The following TULP4 variants were observed in gnomAD, a reference collection of about 807,000 sequenced individuals.
TULP4 encodes the protein TUB like protein 4.
Under a neutral mutation model 129.0 loss-of-function variants are expected in TULP4, and 16 were observed. That is an observed-to-expected ratio of 0.12 (90% CI 0.08 to 0.19). TULP4 has a LOEUF of 0.19. TULP4 is among the 10% of genes least tolerant of loss of function. TULP4 has a pLI of 1.00. For missense variants in TULP4, 1,842 were observed against 2,059.1 expected (o/e 0.89, Z 2.04); for synonymous variants, 998 against 854.0 (o/e 1.17, Z -2.94).
chr6:158,308,959 C>CAGGGCGGCTGGCCGGGCAG (rs1166984303), upstream of TULP4, among the ~76,000 whole-genome samples: 1 of 138,374 alleles, frequency 7.2e-6, no homozygotes, highest in South Asian at 2.3e-4. Context: ...CCCTCCCGGA[C>CAGGGCGGCTGGCCGGGCAG]GGGGCGGCTG....
intron 1 of TULP4, among the ~76,000 whole-genome samples, chr6:158,249,002 G>C (rs1381874323): frequency 6.6e-6 from 1 of 151,118 alleles, no homozygotes; most frequent in African/African-American, 2.4e-5. Flanking sequence ...GCAAGTGCCT[G>C]TGGTCCCAGC....
intron 1 of TULP4, among the ~76,000 whole-genome samples, chr6:158,366,139 G>A (rs1780955930): frequency 3.3e-5 from 5 of 151,738 alleles, no homozygotes; most frequent in Admixed American, 1.3e-4. Flanking sequence ...TCCTGATGTC[G>A]TGATCTGCCC....
Position 158,501,892 on chromosome 6 carries a change from G to A in TULP4, c.2229G>A (p.Gln743=), listed in dbSNP as rs199802628. ...TAEHAGDSAT[Q]YPVSNRYSNP... The stretch of plus-strand genomic sequence containing the variant: ...AACATGCAGGTGACAGTGCCACCCA[G>A]TACCCAGTCTCCAACCGGTACTCCA... Residue 743 remains glutamine (Q), a synonymous_variant, in exon 13 of 14, where the codon CAG becomes CAA. Transcript: ENST00000367097. 1.2e-6 allele frequency: 2 copies of A among 1,614,104 alleles called. No individual in the cohort carries two copies. The highest frequency in any genetic ancestry group is 4.5e-5 in the East Asian group (2 of 44,872).
chr6:158,244,927 G>T (rs1166263272), intron 1 of TULP4, among the ~76,000 whole-genome samples: 1 of 151,822 alleles, frequency 6.6e-6, no homozygotes, highest in Non-Finnish European at 1.5e-5. Context: ...TGGTTTTATC[G>T]CAGCCTGAGC....
intron 1 of TULP4, among the ~76,000 whole-genome samples, chr6:158,291,212 A>T (rs546412467): frequency 1.3e-5 from 2 of 152,144 alleles, no homozygotes; most frequent in Non-Finnish European, 2.9e-5. Context: ...TACCTGAAGA[A>T]TATTGTTTAG....
chr6:158,304,235 A>G (rs1228002245), intron 1 of TULP4, among the ~76,000 whole-genome samples: 1 of 152,134 alleles, frequency 6.6e-6, no homozygotes, highest in Non-Finnish European at 1.5e-5. Context: ...TGCCATTAGA[A>G]CTGGATCGTA....
intron 5 of TULP4, among the ~76,000 whole-genome samples, chr6:158,456,709 G>A (rs780422620): frequency 7.9e-5 from 12 of 151,840 alleles, no homozygotes; most frequent in Admixed American, 2.0e-4. Flanking sequence ...TGGCGTGTGC[G>A]TGTAATCCCA....
intron 1 of TULP4, among the ~76,000 whole-genome samples, chr6:158,271,643 T>G (rs1168113411): frequency 2.6e-5 from 4 of 152,270 alleles, no homozygotes; most frequent in African/African-American, 9.6e-5. Context: ...TTCCCCAGGC[T>G]AGTCTCAAAC....
upstream of TULP4, among the ~76,000 whole-genome samples, chr6:158,308,457 C>G (rs1287691829): frequency 9.1e-4 from 138 of 151,924 alleles, no homozygotes; most frequent in African/African-American, 3.2e-3. Context: ...CACCTTTCCC[C>G]CCTTTCTATT....
intron 4 of TULP4, among the ~76,000 whole-genome samples, chr6:158,449,622 C>T (rs552522190): frequency 6.6e-6 from 1 of 152,130 alleles, no homozygotes; most frequent in African/African-American, 2.4e-5. Context: ...TTTGTTTTGC[C>T]ATAATGAAGG....
intron 6 of TULP4, among the ~76,000 whole-genome samples, chr6:158,471,019 A>G (rs1260944103): frequency 6.6e-6 from 1 of 152,240 alleles, no homozygotes; most frequent in Non-Finnish European, 1.5e-5. Context: ...AAAAAGAAGA[A>G]ATAAGCAAGA....
At chr6:158,307,867 G>A (rs1267795699), upstream of TULP4, among the ~76,000 whole-genome samples, 1 of 151,864 alleles carries the variant, frequency 6.6e-6, no homozygotes, top group Admixed American at 6.6e-5. Flanking sequence ...TGAAATATGG[G>A]ATAAAAAATA....
intron 2 of TULP4, among the ~76,000 whole-genome samples, chr6:158,425,992 T>G (rs1208720561): frequency 6.6e-6 from 1 of 152,258 alleles, no homozygotes; most frequent in Non-Finnish European, 1.5e-5. Context: ...AAGTTGAGCC[T>G]TTTTAAATAT....
At chr6:158,453,406 C>T (rs896381186) in intron 5 of TULP4, among the ~76,000 whole-genome samples, 5 of 146,470 alleles carry the variant, frequency 3.4e-5, no homozygotes, top group African/African-American at 1.3e-4. Context: ...ATGGCATGAA[C>T]CCGAGAGGCA....
intron 6 of TULP4, among the ~76,000 whole-genome samples, chr6:158,477,458 A>G (rs1478944597): frequency 2.0e-5 from 3 of 152,246 alleles, no homozygotes; most frequent in Non-Finnish European, 2.9e-5. Flanking sequence ...GGCAAAGGAC[A>G]TGAACAAATA....
chr6:158,453,749 A>G (rs1779220515), intron 5 of TULP4, among the ~76,000 whole-genome samples: 1 of 148,824 alleles, frequency 6.7e-6, no homozygotes, highest in African/African-American at 2.5e-5. Flanking sequence ...AGATCAAGCC[A>G]CTGCACTCTA....
At chr6:158,484,791 C>T (rs1780028249) in intron 8 of TULP4, among the ~76,000 whole-genome samples, 1 of 152,254 alleles carries the variant, frequency 6.6e-6, no homozygotes, top group African/African-American at 2.4e-5. Context: ...ATCGAATGGA[C>T]CAGTTATTTA....
chr6:158,387,281 C>T (rs997286567), intron 1 of TULP4, among the ~76,000 whole-genome samples: 7 of 152,084 alleles, frequency 4.6e-5, no homozygotes, highest in Non-Finnish European at 1.0e-4. Context: ...CTGGTAGAGG[C>T]CTTAAGTATT....
At chr6:158,436,664 T>TAAA (rs1778760583) in intron 3 of TULP4, among the ~76,000 whole-genome samples, 1 of 152,238 alleles carries the variant, frequency 6.6e-6, no homozygotes, top group Non-Finnish European at 1.5e-5. Flanking sequence ...TTATAAATAC[T>TAAA]AAACCTTTTT....
Sources: gnomAD v4.1 joint callset for allele counts (sites outside exome capture counted in the v4.1 genomes callset) on GRCh38, gnomAD v4.1.1 for gene constraint, MANE v1.5 for transcripts, NCBI Gene and HGNC (gene_info 2026-07-23, HGNC 2026-07-21) for gene names.